PPEF1: variants seen among roughly 807,000 people sequenced by gnomAD.
The protein encoded by PPEF1 is protein phosphatase with EF-hand domain 1.
PPEF1 carries 12 observed loss-of-function variants against 53.3 expected under a neutral mutation model. The observed-to-expected ratio is 0.23, with a 90% CI of 0.14 to 0.36. The LOEUF is 0.36. Ranked by LOEUF, PPEF1 falls within the 10% of genes least tolerant of loss-of-function variation. The probability of loss-of-function intolerance (pLI) is 1.00; values close to 1 mark genes in which losing one functional copy is unlikely to be tolerated. For synonymous variants in PPEF1, 165 were observed against 176.7 expected, an observed-to-expected ratio of 0.93 and a Z score of 0.52; for missense variants, 334 against 490.4, an observed-to-expected ratio of 0.68 and a Z score of 3.01.
In PPEF1 at chrX:18,687,779, C is replaced by T. The variant is rs772745411; in HGVS notation, c.-426+1548C>T. ...TCTCAGCTCACTGCAACCTCCACCT[C>T]CCAGGTTCAAGTGATTCTCGTGCCT... On this transcript the variant is annotated intron_variant, in intron 3 of 21. Transcript: ENST00000361511. 3.7e-5 allele frequency among the ~76,000 whole-genome samples: 4 copies of T among 107,651 alleles called. No homozygotes were observed. In the South Asian group the frequency reaches 1.7e-3, roughly 45 times the overall value. The allele number at this position is 107,651 out of a possible 115,157, so 93.5% of individuals were successfully genotyped here.
At chrX:18,718,413 GA>G (rs1303978222) in intron 1 of PPEF1, among the ~76,000 whole-genome samples, 17 of 104,910 alleles carry the variant, frequency 1.6e-4, no homozygotes, top group Admixed American at 3.1e-4. Context: ...TCTACCAAAG[GA>G]AAAAAAAAAT....
intron 10 of PPEF1, among the ~76,000 whole-genome samples, chrX:18,799,214 C>CG (rs1227820387): frequency 2.0e-5 from 2 of 101,998 alleles, no homozygotes; most frequent in South Asian, 4.6e-4. Context: ...GCCTGGGCGA[C>CG]AGAGCAAGAC....
intron 4 of PPEF1, among the ~76,000 whole-genome samples, chrX:18,756,391 G>T (rs2045551135): frequency 9.0e-6 from 1 of 110,963 alleles, no homozygotes; most frequent in South Asian, 3.9e-4. Context: ...TGTTAGCCAG[G>T]CTGGTCTCGA....
chrX:18,777,112 A>G (rs2045982225), intron 6 of PPEF1, among the ~76,000 whole-genome samples: 1 of 112,304 alleles, frequency 8.9e-6, no homozygotes, highest in African/African-American at 3.2e-5. Flanking sequence ...TGAGAAAACT[A>G]CAGCTCATAA....
chrX:18,711,977 C>G (rs1296682843), intron 1 of PPEF1, among the ~76,000 whole-genome samples: 3 of 111,546 alleles, frequency 2.7e-5, no homozygotes, highest in Non-Finnish European at 3.8e-5. Flanking sequence ...CTGGTCTGAA[C>G]TCCTGACCTT....
At chrX:18,690,365 T>A (rs1255424063) in intron 3 of PPEF1, among the ~76,000 whole-genome samples, 3 of 104,872 alleles carry the variant, frequency 2.9e-5, no homozygotes, top group Non-Finnish European at 5.9e-5. Context: ...CTTGTTTTTT[T>A]TTTTTTTTTT....
intron 1 of PPEF1, among the ~76,000 whole-genome samples, chrX:18,721,591 G>T (rs1395526707): frequency 2.7e-5 from 3 of 111,713 alleles, no homozygotes; most frequent in African/African-American, 9.8e-5. Flanking sequence ...GTTTACATGA[G>T]AAACTGAGGA....
intron 1 of PPEF1, among the ~76,000 whole-genome samples, chrX:18,713,420 C>CTTTTTTT (rs55997147): frequency 8.5e-4 from 66 of 77,479 alleles, no homozygotes; most frequent in East Asian, 2.2e-3. Context: ...CCTTAAAATT[C>CTTTTTTT]TTTTTTTTTT....
intron 2 of PPEF1, among the ~76,000 whole-genome samples, chrX:18,685,915 C>CT (rs1020713265): frequency 1.8e-5 from 2 of 110,107 alleles, no homozygotes; most frequent in Non-Finnish European, 3.8e-5. Flanking sequence ...AACTGGCTGA[C>CT]TTTTTTTTTC....
intron 4 of PPEF1, among the ~76,000 whole-genome samples, chrX:18,693,303 C>T (rs1005202690): frequency 8.9e-6 from 1 of 111,915 alleles, no homozygotes; most frequent in Admixed American, 9.5e-5. Flanking sequence ...TTTATAAGAA[C>T]ACAGGTGGCA....
intron 4 of PPEF1, among the ~76,000 whole-genome samples, chrX:18,752,727 C>CTT (rs34251013): frequency 0.021 from 1,997 of 96,976 alleles, 37 homozygotes; most frequent in African/African-American, 0.058. Context: ...TTGTCAAATG[C>CTT]TTTTTTTTTT....
chrX:18,814,122 A>G (rs1364787038), intron 12 of PPEF1, among the ~76,000 whole-genome samples: 1 of 111,323 alleles, frequency 9.0e-6, no homozygotes, highest in Non-Finnish European at 1.9e-5. Context: ...ATGTTGATTC[A>G]CTTAGGATAA....
chrX:18,818,432 G>A (rs1020121417), intron 13 of PPEF1, among the ~76,000 whole-genome samples: 4 of 103,813 alleles, frequency 3.9e-5, no homozygotes, highest in Admixed American at 2.1e-4. Flanking sequence ...GTGCAGTGGC[G>A]TGACCTCAGC....
intron 10 of PPEF1, among the ~76,000 whole-genome samples, chrX:18,800,883 C>T (rs974616182): frequency 1.8e-5 from 2 of 111,461 alleles, no homozygotes; most frequent in African/African-American, 6.5e-5. Context: ...TAAGAGGTTT[C>T]CCAGGGGTAA....
At chrX:18,711,267 A>G (rs982368791) in intron 1 of PPEF1, among the ~76,000 whole-genome samples, 1 of 101,528 alleles carries the variant, frequency 9.8e-6, no homozygotes, top group Non-Finnish European at 2.0e-5. Flanking sequence ...TAAATAATGT[A>G]TACATATGGG....
In PPEF1 at chrX:18,804,060, A is replaced by G. The variant is rs1445232303; in HGVS notation, c.1234A>G (p.Ile412Val). Residue 412 changes from isoleucine (I) to valine (V), a missense_variant, in exon 11 of 16, where the codon ATC becomes GTC. Ile to Val is a conservative substitution (Grantham distance 29). Coordinates refer to ENST00000470157, the MANE Select transcript of PPEF1 (RefSeq NM_001377996.1). The part of the protein sequence containing the change: ...SHECKPEGYE[I>V]CHDGKVVTIF... ...TGAATGTAAGCCCGAAGGGTATGAAATCTGTCATGATGGGAAGGTAAGCTA... is the reference window on the plus strand; with the variant it reads ...TGAATGTAAGCCCGAAGGGTATGAAGTCTGTCATGATGGGAAGGTAAGCTA... 1 of 1,197,955 alleles carries G rather than the reference A, an allele frequency of 8.3e-7. No individual in the cohort carries two copies. The highest frequency in any genetic ancestry group is 1.8e-5 in the South Asian group (1 of 55,237).
At chrX:18,791,701 GTCTAGAACC>G (rs1456213741) in intron 10 of PPEF1, among the ~76,000 whole-genome samples, 1 of 110,497 alleles carries the variant, frequency 9.1e-6, no homozygotes, top group Non-Finnish European at 1.9e-5. Context: ...TAATTGCCTT[GTCTAGAACC>G]TCCAGTACAC....
At position 18,730,203 on chromosome X, in the gene PPEF1, C is replaced by T; in HGVS notation, c.69C>T (p.Ile23=). The T allele has an allele frequency of 8.3e-7, 1 of 1,210,023 alleles. No individual in the cohort carries two copies. The highest frequency in any genetic ancestry group is 1.1e-6 in the Non-Finnish European group (1 of 894,498). ...CAGCACTGAGAGCTGCGTTGATCAT[C>T]CAGAACTGGTACCGAGGTTACAAAG... ...SDTSLRAALI[I]QNWYRGYKAR... The change falls in exon 2 of 16, where the codon ATC becomes ATT. Residue 23 remains isoleucine, a synonymous_variant. Transcript: ENST00000470157.
At chrX:18,675,264 G>A (rs755523866), upstream of PPEF1, among the ~76,000 whole-genome samples, 1 of 113,487 alleles carries the variant, frequency 8.8e-6, no homozygotes, top group East Asian at 2.8e-4. Context: ...GCGGCCCGGC[G>A]GCCGGAAGTG....
Sources: gnomAD v4.1 joint callset for allele counts (sites outside exome capture counted in the v4.1 genomes callset) on GRCh38, gnomAD v4.1.1 for gene constraint, MANE v1.5 for transcripts, NCBI Gene and HGNC (gene_info 2026-07-23, HGNC 2026-07-21) for gene names.